The following EYA4 variants were observed in gnomAD, a reference collection of about 807,000 sequenced individuals.
EYA4 encodes the protein EYA transcriptional coactivator and phosphatase 4, also known as protein phosphatase EYA4.
Under a neutral mutation model 87.9 loss-of-function variants are expected in EYA4, and 31 were observed. The observed-to-expected ratio is 0.35, with a 90% confidence interval of 0.27 to 0.48. The LOEUF is 0.48. Ranked by LOEUF, EYA4 falls within the 20% of genes least tolerant of loss-of-function variation. The pLI, the probability that EYA4 is intolerant of heterozygous loss-of-function variation, is 0.99. For missense variants in EYA4, 678 were observed against 761.4 expected, an observed-to-expected ratio of 0.89 and a Z score of 1.29; for synonymous variants, 263 against 270.6, an observed-to-expected ratio of 0.97 and a Z score of 0.28.
intron 2 of EYA4, among the ~76,000 whole-genome samples, chr6:133,305,099 C>T (rs984209762): frequency 1.3e-5 from 2 of 152,020 alleles, no homozygotes; most frequent in African/African-American, 2.4e-5. Flanking sequence ...GAGAGAAGAG[C>T]GTTTTGGAGG....
chr6:133,356,980 G>C (rs1784099904), intron 2 of EYA4, among the ~76,000 whole-genome samples: 1 of 151,632 alleles, frequency 6.6e-6, no homozygotes, highest in Non-Finnish European at 1.5e-5. Context: ...CATTATAAAA[G>C]AGCAGAAAAG....
At chr6:133,266,882 A>T (rs1776265935) in intron 1 of EYA4, among the ~76,000 whole-genome samples, 1 of 152,214 alleles carries the variant, frequency 6.6e-6, no homozygotes, top group Non-Finnish European at 1.5e-5. Flanking sequence ...TTACATTATC[A>T]GATACATTAT....
chr6:133,476,788 T>C (rs1378627280), intron 11 of EYA4, among the ~76,000 whole-genome samples: 1 of 152,150 alleles, frequency 6.6e-6, no homozygotes, highest in Non-Finnish European at 1.5e-5. Context: ...TGCTGGATCA[T>C]ATGGTAGTTC....
chr6:133,293,893 G>A (rs975513977), intron 2 of EYA4, among the ~76,000 whole-genome samples: 12 of 150,794 alleles, frequency 8.0e-5, no homozygotes, highest in African/African-American at 2.2e-4. Flanking sequence ...TGGAGGCTGT[G>A]GTGAGTTGTG....
chr6:133,412,412 C>T (rs894154893), intron 3 of EYA4, among the ~76,000 whole-genome samples: 1 of 152,142 alleles, frequency 6.6e-6, no homozygotes, highest in Non-Finnish European at 1.5e-5. Context: ...TCCCAGAATC[C>T]TCCCTCATGC....
chr6:133,444,327 T>C (rs745944080), intron 3 of EYA4, among the ~76,000 whole-genome samples: 25 of 152,204 alleles, frequency 1.6e-4, no homozygotes, highest in Non-Finnish European at 3.4e-4. Context: ...TTTTGTGTGA[T>C]GTAATATTAG....
rs77248649 is a variant in EYA4, at chr6:133,275,386, G to C, written c.33+573G>C. Among the ~76,000 whole-genome samples, 487 of 152,248 alleles carry C rather than the reference G, an allele frequency of 3.2e-3. 3 individuals carry two copies. Among genetic ancestry groups the C allele is most frequent in the Non-Finnish European group, 5.1e-3 (348 of 68,024 alleles). On this transcript the variant is annotated intron_variant, in intron 2 of 19. Coordinates refer to ENST00000355286, the MANE Select transcript of EYA4 (RefSeq NM_004100.5). Reference sequence around the variant, plus strand: ...GTCTCTGTGACAGTAGTTCTTTAGCGTGTGGAACTAGAGGCAGTGGGAGGG... The same window carrying C: ...GTCTCTGTGACAGTAGTTCTTTAGCCTGTGGAACTAGAGGCAGTGGGAGGG...
chr6:133,324,583 A>T (rs1004778067), intron 2 of EYA4, among the ~76,000 whole-genome samples: 1 of 152,094 alleles, frequency 6.6e-6, no homozygotes, highest in African/African-American at 2.4e-5. Context: ...TTATAAAGTA[A>T]ATCTATAAAG....
At chr6:133,473,938 A>G (rs1046422475) in intron 11 of EYA4, among the ~76,000 whole-genome samples, 1 of 152,012 alleles carries the variant, frequency 6.6e-6, no homozygotes, top group African/African-American at 2.4e-5. Flanking sequence ...CTTTGGGTCA[A>G]TACTTGTGTT....
rs114431344 is a variant in EYA4, at chr6:133,425,972, C to T, written c.84-20658C>T. 1.1e-4 allele frequency among the ~76,000 whole-genome samples: 17 copies of T among 151,042 alleles called. 2 individuals are homozygous for T. The highest frequency in any genetic ancestry group is 3.7e-4 in the African/African-American group (15 of 40,472). On this transcript the variant is annotated intron_variant, in intron 3 of 19. Coordinates refer to ENST00000355286, the MANE Select transcript of EYA4 (RefSeq NM_004100.5). The stretch of plus-strand genomic sequence containing the variant: ...AGAAATATTTAACTGCTTGCAGGAA[C>T]GTGAACACACGATGCCGTTTCCCAT...
intron 11 of EYA4, among the ~76,000 whole-genome samples, chr6:133,469,887 C>CT (rs1481594993): frequency 6.6e-6 from 1 of 152,082 alleles, no homozygotes; most frequent in Non-Finnish European, 1.5e-5. Context: ...TCAAAAGACA[C>CT]TATTAGAGAA....
chr6:133,464,676 C>T (rs891479478), intron 9 of EYA4, 103 bp from the exon 10 acceptor site: 10 of 785,668 alleles, frequency 1.3e-5, no homozygotes, highest in African/African-American at 5.1e-5. Context: ...ACTGTCTTCA[C>T]GACAAATTTC....
At chr6:133,306,806 T>C (rs1779845148) in intron 2 of EYA4, among the ~76,000 whole-genome samples, 1 of 152,166 alleles carries the variant, frequency 6.6e-6, no homozygotes, top group Non-Finnish European at 1.5e-5. Context: ...ATTTAAATCA[T>C]AGAAGAATTG....
intron 2 of EYA4, among the ~76,000 whole-genome samples, chr6:133,353,634 C>T (rs1363318321): frequency 2.0e-5 from 3 of 152,240 alleles, no homozygotes; most frequent in Admixed American, 2.0e-4. Context: ...CACCTTATGT[C>T]TAGCATCAGG....
intron 3 of EYA4, among the ~76,000 whole-genome samples, chr6:133,391,875 A>G (rs904874650): frequency 6.6e-6 from 1 of 152,178 alleles, no homozygotes; most frequent in African/African-American, 2.4e-5. Flanking sequence ...CCCCTCCCTC[A>G]TCCTTCACTT....
intron 1 of EYA4, among the ~76,000 whole-genome samples, chr6:133,268,102 G>A (rs554830810): frequency 1.3e-5 from 2 of 152,052 alleles, no homozygotes; most frequent in Non-Finnish European, 2.9e-5. Flanking sequence ...GAAAGTGAAC[G>A]CTTTTCCATA....
chr6:133,381,755 T>C (rs1165576208), intron 2 of EYA4, among the ~76,000 whole-genome samples: 1 of 152,206 alleles, frequency 6.6e-6, no homozygotes, highest in Non-Finnish European at 1.5e-5. Context: ...CTTTAGAGGA[T>C]GTACCACATA....
intron 14 of EYA4, 119 bp downstream of exon 14, chr6:133,506,314 A>G (rs1399573251): frequency 6.2e-6 from 4 of 643,162 alleles, no homozygotes; most frequent in Non-Finnish European, 1.1e-5. Context: ...AGAGAAGCAT[A>G]AAGTTCTTGT....
intron 4 of EYA4, 108 bp downstream of exon 4, chr6:133,446,862 A>G (rs1792896365): frequency 2.8e-6 from 3 of 1,059,284 alleles, no homozygotes; most frequent in African/African-American, 3.2e-5. Flanking sequence ...AATAACACAA[A>G]TCAGCATTAT....
Sources: gnomAD v4.1 joint callset for allele counts (sites outside exome capture counted in the v4.1 genomes callset) on GRCh38, gnomAD v4.1.1 for gene constraint, MANE v1.5 for transcripts, NCBI Gene and HGNC (gene_info 2026-07-23, HGNC 2026-07-21) for gene names.